The following NECTIN3 variants were observed in gnomAD, a reference collection of about 807,000 sequenced individuals.
NECTIN3 encodes the protein nectin-3.
Under a neutral mutation model 49.4 loss-of-function variants are expected in NECTIN3, and 8 were observed. The observed-to-expected ratio is 0.16, with a 90% CI of 0.10 to 0.29. NECTIN3 has a LOEUF of 0.29. Ranked by LOEUF, NECTIN3 falls within the 10% of genes least tolerant of loss-of-function variation. The probability of loss-of-function intolerance (pLI) is 1.00; values close to 1 mark genes in which losing one functional copy is unlikely to be tolerated. For missense variants in NECTIN3, 581 were observed against 654.6 expected (o/e 0.89, Z 1.23); for synonymous variants, 277 against 241.1 (o/e 1.15, Z -1.38).
At chr3:111,126,403 A>G in intron 5 of NECTIN3, 68 bp downstream of exon 5, 2 of 1,312,166 alleles carry the variant, frequency 1.5e-6, no homozygotes, top group South Asian at 2.7e-5. Flanking sequence ...TAACAATATG[A>G]TCCTAAGCAA....
rs145065215 is a variant in NECTIN3 at position 111,089,442 on chromosome 3, C to CGGAAGAAGTGTTT, written c.160+17265_160+17266insGGAAGAAGTGTTT. On this transcript the variant is annotated intron_variant, in intron 1 of 5. Coordinates refer to ENST00000485303, the MANE Select transcript of NECTIN3 (RefSeq NM_015480.3). ...GTGTGTGTGTGTGTATGTATATAAACATATACATACACACACATATATGTA... is the reference window on the plus strand; with the variant it reads ...GTGTGTGTGTGTGTATGTATATAAACGGAAGAAGTGTTTATATACATACACACACATATATGTA... Among the ~76,000 whole-genome samples the CGGAAGAAGTGTTT allele has an allele frequency of 0.039, 5,834 of 149,726 alleles. 653 individuals are homozygous for CGGAAGAAGTGTTT. In the East Asian group the frequency reaches 0.44, roughly 11 times the overall value.
At chr3:111,156,156 A>ACTGGTGCTT (rs1342236886) in intron 7 of NECTIN3, among the ~76,000 whole-genome samples, 3 of 152,274 alleles carry the variant, frequency 2.0e-5, no homozygotes, top group Admixed American at 2.0e-4. Flanking sequence ...CTTTTATCTC[A>ACTGGTGCTT]AATCACCAGC....
At chr3:111,164,091 G>C (rs998935987) in intron 7 of NECTIN3, among the ~76,000 whole-genome samples, 2 of 151,810 alleles carry the variant, frequency 1.3e-5, no homozygotes, top group African/African-American at 4.8e-5. Context: ...TTTCATAATT[G>C]ATATATTGAC....
chr3:111,091,801 T>G (rs1157810992), intron 1 of NECTIN3, among the ~76,000 whole-genome samples: 1 of 152,236 alleles, frequency 6.6e-6, no homozygotes, highest in Non-Finnish European at 1.5e-5. Context: ...TATTTTTATT[T>G]CACTTGGGTA....
At chr3:111,091,029 T>C (rs1158961840) in intron 1 of NECTIN3, among the ~76,000 whole-genome samples, 1 of 152,126 alleles carries the variant, frequency 6.6e-6, no homozygotes, top group Non-Finnish European at 1.5e-5. Flanking sequence ...TTTACTGATT[T>C]AAAGTGTGTA....
In NECTIN3 at chr3:111,137,408, G is replaced by A. The variant is rs746970391; in HGVS notation, c.*3193G>A. On this transcript the variant is annotated 3_prime_UTR_variant, in exon 6 of 6. Transcript: ENST00000485303. ...TGTGTTTGGGTTTTAGTTTGTACCC[G>A]CGCTAAGTTTTGGTTTTGTTGTGTT... is the stretch of plus-strand genomic sequence containing the variant. 30 of 947,062 alleles carry A rather than the reference G, an allele frequency of 3.2e-5. No homozygotes were observed. Among genetic ancestry groups the A allele is most frequent in the South Asian group, 1.5e-4 (3 of 20,474 alleles). 58.7% of individuals were successfully genotyped at this position (947,062 alleles called of 1,614,324 possible). A position where few individuals can be genotyped will look rare whatever the true frequency, so the allele number is the denominator to read the frequency against.
At chr3:111,096,463 G>T (rs2032586740) in intron 1 of NECTIN3, among the ~76,000 whole-genome samples, 1 of 152,226 alleles carries the variant, frequency 6.6e-6, no homozygotes, top group Admixed American at 6.5e-5. Flanking sequence ...GCTGGCTGCA[G>T]ACATTTGCAT....
intron 7 of NECTIN3, among the ~76,000 whole-genome samples, chr3:111,175,900 T>C (rs1344619148): frequency 3.3e-5 from 5 of 152,240 alleles, no homozygotes; most frequent in Non-Finnish European, 5.9e-5. Flanking sequence ...TTTGCATTGG[T>C]ATTTTAAAAA....
At chr3:111,092,194 G>C (rs1352515748) in intron 1 of NECTIN3, among the ~76,000 whole-genome samples, 1 of 152,144 alleles carries the variant, frequency 6.6e-6, no homozygotes, top group Non-Finnish European at 1.5e-5. Context: ...ATATATTCTA[G>C]AGACAAGTAT....
chr3:111,115,843 A>G (rs2033669768), intron 2 of NECTIN3, among the ~76,000 whole-genome samples: 1 of 152,248 alleles, frequency 6.6e-6, no homozygotes. Flanking sequence ...TTTGTAACTG[A>G]TTGGATATAA....
chr3:111,167,102 G>A (rs971556231), intron 7 of NECTIN3, among the ~76,000 whole-genome samples: 4 of 152,120 alleles, frequency 2.6e-5, no homozygotes, highest in Admixed American at 1.3e-4. Flanking sequence ...TGAGCTAAGT[G>A]ACTTTTGCAT....
At chr3:111,072,285 G>C in intron 1 of NECTIN3, 108 bp downstream of exon 1, 1 of 1,448,998 alleles carries the variant, frequency 6.9e-7, no homozygotes. Context: ...GCGGTTGGTT[G>C]TGCGAGCGAG....
In NECTIN3 at chr3:111,112,061, A is replaced by G; in HGVS notation, c.192A>G (p.Pro64=). 2 of 1,611,648 alleles carry G rather than the reference A, an allele frequency of 1.2e-6. No individual in the cohort carries two copies. Among genetic ancestry groups the G allele is most frequent in the Non-Finnish European group, 1.7e-6 (2 of 1,178,344 alleles). ...TAGCTGGACCAATTATTGTGGAGCC[A>G]CATGTCACAGCAGTATGGGGAAAGA... The part of the protein sequence containing the change: ...GALAGPIIVE[P]HVTAVWGKNV... Residue 64 remains proline (P), a synonymous_variant, in exon 2 of 6, where the codon CCA becomes CCG. Coordinates refer to ENST00000485303, the MANE Select transcript of NECTIN3 (RefSeq NM_015480.3).
Position 111,072,027 on chromosome 3 carries a change from A to G in NECTIN3, c.10A>G (p.Thr4Ala). MAR[T>A]LRPSPLCPGG... ...GGGGGGAGGGTGGGGGATGGCGCGG[A>G]CCCTGCGGCCGTCCCCGCTGTGTCC... is the stretch of plus-strand genomic sequence containing the variant. The change falls in exon 1 of 6, where the codon ACC becomes GCC. Residue 4 changes from threonine (T) to alanine (A), a missense_variant. Thr to Ala is a moderately conservative substitution (Grantham distance 58). This residue lies in a region of NECTIN3 where 109 missense variants were observed against 69.1 expected (regional missense o/e 1.58). Transcript: ENST00000485303. The G allele has an allele frequency of 1.3e-6, 2 of 1,525,630 alleles. No individual in the cohort carries two copies. The highest frequency in any genetic ancestry group is 8.8e-7 in the Non-Finnish European group (1 of 1,136,416). 94.5% of individuals were successfully genotyped at this position (1,525,630 alleles called of 1,614,324 possible).
At chr3:111,102,863 T>C (rs1411410752) in intron 1 of NECTIN3, among the ~76,000 whole-genome samples, 1 of 152,246 alleles carries the variant, frequency 6.6e-6, no homozygotes, top group African/African-American at 2.4e-5. Context: ...TTTATTTGTA[T>C]GTGGATGTCT....
Position 111,165,262 on chromosome 3 carries a change from C to A in NECTIN3, c.1221+17778C>A, listed in dbSNP as rs927291587. On this transcript the variant is annotated intron_variant, in intron 7 of 8. Coordinates refer to the NECTIN3 transcript ENST00000493615. ...GTTTCACTGTGTTAGCCAGGATGGT[C>A]TCGATCTCCTGACCTCGTGATCCGC... Among the ~76,000 whole-genome samples the A allele has an allele frequency of 3.3e-5, 5 of 152,202 alleles. No homozygotes were observed. In the East Asian group the frequency reaches 9.7e-4, roughly 29 times the overall value.
chr3:111,142,330 C>T (rs2034767107), downstream of NECTIN3, among the ~76,000 whole-genome samples: 1 of 151,726 alleles, frequency 6.6e-6, no homozygotes, highest in African/African-American at 2.4e-5. Flanking sequence ...TCCATTTGCT[C>T]ATTTCAGCAG....
chr3:111,173,259 T>C (rs1235760976), intron 7 of NECTIN3, among the ~76,000 whole-genome samples: 2 of 152,208 alleles, frequency 1.3e-5, no homozygotes, highest in Non-Finnish European at 2.9e-5. Flanking sequence ...AGTGATCTTT[T>C]CCTCCAGGTG....
At chr3:111,083,153 C>T (rs540386972) in intron 1 of NECTIN3, among the ~76,000 whole-genome samples, 21 of 152,110 alleles carry the variant, frequency 1.4e-4, no homozygotes, top group African/African-American at 4.6e-4. Flanking sequence ...CAGACTCGTA[C>T]GGGGGTTGGA....
Sources: allele counts gnomAD v4.1 joint callset (sites outside exome capture counted in the v4.1 genomes callset), GRCh38; gene constraint gnomAD v4.1.1; regional missense constraint gnomAD v4.1.1; transcripts MANE v1.5; gene names NCBI Gene and HGNC (gene_info 2026-07-23, HGNC 2026-07-21).